The following DCP2 variants were observed in gnomAD, a reference collection of about 807,000 sequenced individuals.
DCP2 encodes the protein m7GpppN-mRNA hydrolase.
Under a neutral mutation model 56.1 loss-of-function variants are expected in DCP2, and 30 were observed. The ratio of observed to expected loss-of-function variants is 0.53; its 90% CI spans 0.40 to 0.73. DCP2 has a LOEUF of 0.73. Among genes scored for constraint, DCP2 ranks in the 30% least tolerant of loss-of-function variants. The pLI is 0.00. For missense variants in DCP2, 533 were observed against 502.7 expected, an observed-to-expected ratio of 1.06 and a Z score of -0.58; for synonymous variants, 197 against 163.3, an observed-to-expected ratio of 1.21 and a Z score of -1.57.
intron 1 of DCP2, among the ~76,000 whole-genome samples, chr5:112,981,836 T>C (rs1388024294): frequency 1.3e-5 from 2 of 152,172 alleles, no homozygotes; most frequent in Admixed American, 6.5e-5. Flanking sequence ...AATGATGTGG[T>C]CTCAGCTCAC....
chr5:113,004,897 C>T (rs1436105277), intron 8 of DCP2, among the ~76,000 whole-genome samples: 7 of 151,088 alleles, frequency 4.6e-5, no homozygotes, highest in South Asian at 2.1e-4. Flanking sequence ...GGAGGCGAGG[C>T]GGGTGAATCA....
chr5:113,007,632 C>T (rs988134314), intron 8 of DCP2, among the ~76,000 whole-genome samples: 31 of 151,970 alleles, frequency 2.0e-4, no homozygotes, highest in African/African-American at 6.5e-4. Flanking sequence ...ATCTCAACCT[C>T]GTGATCCGCC....
chr5:113,007,382 TTCTTTC>T (rs1004054093), intron 8 of DCP2, among the ~76,000 whole-genome samples: 3 of 146,632 alleles, frequency 2.0e-5, no homozygotes, highest in Admixed American at 2.0e-4. Flanking sequence ...AAAGATTTCT[TTCTTTC>T]TTTCTTTCTT....
intron 4 of DCP2, among the ~76,000 whole-genome samples, chr5:112,993,675 T>C (rs1748704615): frequency 6.6e-6 from 1 of 151,718 alleles, no homozygotes; most frequent in South Asian, 2.1e-4. Flanking sequence ...TTTACTGTTA[T>C]TTTCCTACCT....
rs530962374 is a variant in DCP2, at chr5:113,000,910, G to A, written c.433-174G>A. Among the ~76,000 whole-genome samples the A allele has an allele frequency of 2.0e-5, 3 of 152,202 alleles. No homozygotes were observed. The East Asian group carries it at 5.8e-4, about 29-fold the overall frequency. ...TGGATACAGTATTAGAAACAATAGGGCACAAGAACTTTTTTTACATCTCAT... is the reference window on the plus strand; with the variant it reads ...TGGATACAGTATTAGAAACAATAGGACACAAGAACTTTTTTTACATCTCAT... On this transcript the variant is annotated intron_variant, in intron 4 of 10. Coordinates refer to ENST00000389063, the MANE Select transcript of DCP2 (RefSeq NM_152624.6).
At chr5:113,004,817 T>A (rs940909717) in intron 8 of DCP2, among the ~76,000 whole-genome samples, 10 of 152,118 alleles carry the variant, frequency 6.6e-5, no homozygotes, top group African/African-American at 1.9e-4. Flanking sequence ...ACTTTTTTTT[T>A]TTTTTTATTT....
chr5:112,986,490 A>C (rs1748294299), intron 2 of DCP2, among the ~76,000 whole-genome samples: 1 of 151,482 alleles, frequency 6.6e-6, no homozygotes. Context: ...ATGCGCTACC[A>C]TTCCTGCTAA....
chr5:113,006,318 T>G (rs1005933759), intron 8 of DCP2, among the ~76,000 whole-genome samples: 4 of 152,114 alleles, frequency 2.6e-5, no homozygotes, highest in African/African-American at 7.2e-5. Context: ...AGTTACTGTT[T>G]ATTGGTTGCA....
intron 4 of DCP2, among the ~76,000 whole-genome samples, chr5:112,993,322 T>C (rs758037426): frequency 2.6e-5 from 4 of 152,324 alleles, no homozygotes; most frequent in African/African-American, 9.6e-5. Context: ...ACTTGATTGA[T>C]TTGTTTCGGC....
At chr5:112,999,739 C>G (rs552097786) in intron 4 of DCP2, among the ~76,000 whole-genome samples, 7 of 151,544 alleles carry the variant, frequency 4.6e-5, no homozygotes, top group African/African-American at 1.7e-4. Context: ...AAGTGATCCT[C>G]TCACCCCAGC....
At chr5:112,984,709 T>TATATAAAAA (rs1748184610) in intron 1 of DCP2, 2 of 124,974 alleles carry the variant, frequency 1.6e-5, no homozygotes, top group African/African-American at 6.8e-5. Context: ...AAAAAATATA[T>TATATAAAAA]ATATATATAT....
intron 4 of DCP2, among the ~76,000 whole-genome samples, chr5:112,995,770 G>T (rs557472214): frequency 2.6e-5 from 4 of 152,186 alleles, no homozygotes; most frequent in Non-Finnish European, 2.9e-5. Context: ...CGACTTTGTC[G>T]TAAAGTTTGG....
At position 112,991,286 on chromosome 5, in the gene DCP2, A is replaced by G. The variant is rs183586240; in HGVS notation, c.206-835A>G. The stretch of plus-strand genomic sequence containing the variant: ...GTATGACCTCATTTTGAGAGATACT[A>G]TCATAAATTATCATTTTCTCTATGC... On this transcript the variant is annotated intron_variant, in intron 2 of 10. Coordinates refer to ENST00000389063, the MANE Select transcript of DCP2 (RefSeq NM_152624.6). Among the ~76,000 whole-genome samples, 13 of 152,374 alleles carry G rather than the reference A, an allele frequency of 8.5e-5. No individual in the cohort carries two copies. In the South Asian group the frequency reaches 1.0e-3, roughly 12 times the overall value.
intron 1 of DCP2, among the ~76,000 whole-genome samples, chr5:112,981,593 G>A (rs1041712358): frequency 2.6e-5 from 4 of 152,308 alleles, no homozygotes; most frequent in African/African-American, 9.6e-5. Context: ...GTCTTCAGCG[G>A]CTAGTTTCTT....
chr5:113,002,541 A>T (rs1000898524), intron 7 of DCP2, among the ~76,000 whole-genome samples: 1 of 151,784 alleles, frequency 6.6e-6, no homozygotes, highest in Non-Finnish European at 1.5e-5. Context: ...TTTGTTTTTG[A>T]GGCAGGGTCT....
At chr5:112,996,311 G>T (rs1456041670) in intron 4 of DCP2, among the ~76,000 whole-genome samples, 1 of 152,036 alleles carries the variant, frequency 6.6e-6, no homozygotes, top group African/African-American at 2.4e-5. Flanking sequence ...TTAATGCCTC[G>T]TTTTTCCTTT....
chr5:112,976,987 G>A lies in DCP2; in HGVS notation c.53+1G>A, dbSNP rs1747736072. On this transcript the variant is annotated splice_donor_variant, in intron 1 of 10. Transcript: ENST00000389063. LOFTEE classifies it high-confidence loss of function. ...GCAGCGTCCTGGACGATCTCTGCAG[G>A]TACCGCGCTACCCGACCCCCTTTCG... 2 of 1,554,528 alleles carry A rather than the reference G, an allele frequency of 1.3e-6. No individual in the cohort carries two copies. Among genetic ancestry groups the A allele is most frequent in the Non-Finnish European group, 8.8e-7 (1 of 1,141,932 alleles).
chr5:113,000,419 C>A (rs899904305), intron 4 of DCP2, among the ~76,000 whole-genome samples: 40 of 119,398 alleles, frequency 3.4e-4, no homozygotes, highest in African/African-American at 1.2e-3. Flanking sequence ...CACACACACA[C>A]ACACACCCAC....
At position 113,015,075 on chromosome 5, in the gene DCP2, C is replaced by T. The variant is rs1749830255; in HGVS notation, c.*1591C>T. 1 of 152,624 alleles carries T rather than the reference C, an allele frequency of 6.6e-6. No individual in the cohort carries two copies. Among genetic ancestry groups the T allele is most frequent in the Non-Finnish European group, 1.5e-5 (1 of 68,030 alleles). 9.5% of individuals were successfully genotyped at this position (152,624 alleles called of 1,614,324 possible). ...GCAGTGTGTATAGAATTATGATATT[C>T]AGAATCCTGCATCTTTTAATGTGAC... is the stretch of plus-strand genomic sequence containing the variant. On this transcript the variant is annotated 3_prime_UTR_variant, in exon 11 of 11. Transcript: ENST00000389063.
Sources: allele counts gnomAD v4.1 joint callset (sites outside exome capture counted in the v4.1 genomes callset), GRCh38; gene constraint gnomAD v4.1.1; transcripts MANE v1.5; gene names NCBI Gene and HGNC (gene_info 2026-07-23, HGNC 2026-07-21).